Variants in MARCHF1 observed in about 807,000 individuals in gnomAD.
MARCHF1 encodes E3 ubiquitin-protein ligase MARCHF1.
In MARCHF1, 40 loss-of-function variants were observed where a neutral mutation model predicts 54.2. The observed-to-expected ratio is 0.74, with a 90% CI of 0.57 to 0.96. The LOEUF (loss-of-function observed/expected upper bound fraction) is 0.96, where lower values mean the gene tolerates loss of function less well. Ranked by LOEUF, MARCHF1 falls within the 40% of genes least tolerant of loss-of-function variation. The probability of loss-of-function intolerance (pLI) is 0.00; values close to 1 mark genes in which losing one functional copy is unlikely to be tolerated. For synonymous variants in MARCHF1, 236 were observed against 236.3 expected (o/e 1.00, Z 0.01); for missense variants, 586 against 656.5 (o/e 0.89, Z 1.17).
intron 4 of MARCHF1, among the ~76,000 whole-genome samples, chr4:163,768,480 G>T (rs2110857372): frequency 6.6e-6 from 1 of 152,242 alleles, no homozygotes; most frequent in Non-Finnish European, 1.5e-5. Context: ...TCCCATTTTG[G>T]CATGGGGAAA....
intron 1 of MARCHF1, among the ~76,000 whole-genome samples, chr4:164,125,949 G>A (rs988797221): frequency 1.3e-5 from 2 of 152,156 alleles, no homozygotes; most frequent in African/African-American, 4.8e-5. Context: ...TGTCTTCCAC[G>A]GGACTGGTCC....
chr4:163,590,808 A>G (rs1216854405), intron 7 of MARCHF1, among the ~76,000 whole-genome samples: 2 of 152,002 alleles, frequency 1.3e-5, no homozygotes, highest in African/African-American at 4.8e-5. Context: ...TGTGTTGTCC[A>G]TTCACCCTGG....
At chr4:164,028,688 T>C (rs1753818240) in intron 2 of MARCHF1, among the ~76,000 whole-genome samples, 1 of 152,112 alleles carries the variant, frequency 6.6e-6, no homozygotes, top group Non-Finnish European at 1.5e-5. Context: ...AATATATCCA[T>C]GTAACAAACT....
intron 2 of MARCHF1, among the ~76,000 whole-genome samples, chr4:164,071,949 C>CA (rs146480292): frequency 0.019 from 2,791 of 150,464 alleles, 69 homozygotes; most frequent in African/African-American, 0.061. Flanking sequence ...TTTAGTGCAG[C>CA]AAAAAAGTAG....
rs777808133 is a variant in MARCHF1, at chr4:163,527,033, C to G, written c.*1715G>C. ...ATTACAAAGTGCATCCATGTGATAC[C>G]CAGATTTGTGCAGTGTGATACTCAT... On this transcript the variant is annotated 3_prime_UTR_variant, in exon 10 of 10. Coordinates refer to ENST00000514618, the MANE Select transcript of MARCHF1 (RefSeq NM_001394959.1). 2.7e-4 allele frequency: 41 copies of G among 151,904 alleles called. 1 individual carries two copies. Among genetic ancestry groups the G allele is most frequent in the Non-Finnish European group, 5.3e-4 (36 of 67,880 alleles). The allele number at this position is 151,904 out of a possible 1,614,324, so 9.4% of individuals were successfully genotyped here. A position where few individuals can be genotyped will look rare whatever the true frequency, so the allele number is the denominator to read the frequency against.
chr4:164,311,710 G>T (rs76104624), intron 1 of MARCHF1, among the ~76,000 whole-genome samples: 21,983 of 152,094 alleles, frequency 0.14, 2,427 homozygotes, highest in East Asian at 0.42. Flanking sequence ...GAATTTGAAA[G>T]CCCATTAAAT....
intron 5 of MARCHF1, among the ~76,000 whole-genome samples, chr4:163,681,651 C>A (rs919324140): frequency 1.7e-4 from 26 of 152,276 alleles, no homozygotes; most frequent in Middle Eastern, 6.8e-3. Flanking sequence ...CTTCCTACTG[C>A]CATGTGAAGA....
At chr4:164,296,166 A>AT (rs1453139478) in intron 1 of MARCHF1, among the ~76,000 whole-genome samples, 3 of 152,160 alleles carry the variant, frequency 2.0e-5, no homozygotes, top group Admixed American at 1.3e-4. Context: ...ACACTAGTTT[A>AT]TTTTTTCTAT....
At chr4:163,647,299 G>A (rs549915143) in intron 5 of MARCHF1, among the ~76,000 whole-genome samples, 8 of 152,032 alleles carry the variant, frequency 5.3e-5, no homozygotes, top group African/African-American at 1.9e-4. Context: ...GAGATAGACA[G>A]CAATACAATA....
intron 1 of MARCHF1, among the ~76,000 whole-genome samples, chr4:164,136,352 C>T (rs2110838490): frequency 6.6e-6 from 1 of 151,998 alleles, no homozygotes; most frequent in African/African-American, 2.4e-5. Flanking sequence ...ATCATCCTTC[C>T]TGCAGAGGGG....
chr4:163,528,470 A>T lies in MARCHF1; in HGVS notation c.*278T>A, dbSNP rs986138767. ...TAATCTTTGATTACTGCCTAAAAGC[A>T]TTCATTGCCCCAGTAGTTCTTAATT... On this transcript the variant is annotated 3_prime_UTR_variant, in exon 10 of 10. Transcript: ENST00000514618. 52 of 385,400 alleles carry T rather than the reference A, an allele frequency of 1.3e-4. No individual in the cohort carries two copies. Among genetic ancestry groups the T allele is most frequent in the Non-Finnish European group, 2.4e-4 (51 of 212,664 alleles). 23.9% of individuals were successfully genotyped at this position (385,400 alleles called of 1,614,324 possible). A position where few individuals can be genotyped will look rare whatever the true frequency, so the allele number is the denominator to read the frequency against.
downstream of MARCHF1, chr4:163,524,620 A>G (rs927420192): frequency 1.3e-5 from 2 of 152,154 alleles, no homozygotes; most frequent in Admixed American, 6.6e-5. Context: ...AAATAATTAT[A>G]TGTTCAGACC....
intron 4 of MARCHF1, among the ~76,000 whole-genome samples, chr4:163,786,775 C>G (rs950911534): frequency 6.6e-6 from 1 of 151,772 alleles, no homozygotes; most frequent in Non-Finnish European, 1.5e-5. Context: ...CACTAAATAG[C>G]AAAAACAATC....
chr4:163,817,515 T>C (rs1171147723), intron 4 of MARCHF1, among the ~76,000 whole-genome samples: 2 of 151,576 alleles, frequency 1.3e-5, no homozygotes, highest in African/African-American at 4.8e-5. Flanking sequence ...ACATCTTTGG[T>C]GTACAATTGT....
At chr4:163,687,938 A>G (rs1744319971) in intron 5 of MARCHF1, among the ~76,000 whole-genome samples, 2 of 152,226 alleles carry the variant, frequency 1.3e-5, no homozygotes, top group Non-Finnish European at 2.9e-5. Flanking sequence ...AGTGCAATAG[A>G]GATTTGACAA....
chr4:163,794,080 G>A (rs1747846574), intron 4 of MARCHF1, among the ~76,000 whole-genome samples: 1 of 152,146 alleles, frequency 6.6e-6, no homozygotes, highest in Non-Finnish European at 1.5e-5. Flanking sequence ...AAATTGTTGA[G>A]AATAGGCTCT....
intron 1 of MARCHF1, among the ~76,000 whole-genome samples, chr4:164,358,067 TGAGG>T (rs1290620087): frequency 6.6e-6 from 1 of 152,102 alleles, no homozygotes; most frequent in Non-Finnish European, 1.5e-5. Flanking sequence ...GAATCACTCT[TGAGG>T]AAGGTGAGAA....
chr4:163,683,173 G>C (rs1438198405), intron 5 of MARCHF1, among the ~76,000 whole-genome samples: 1 of 152,138 alleles, frequency 6.6e-6, no homozygotes, highest in African/African-American at 2.4e-5. Flanking sequence ...ATTTGAGACT[G>C]GGCAATTTGC....
Position 163,788,232 on chromosome 4 carries a change from A to G in MARCHF1, c.111+65789T>C, listed in dbSNP as rs72685615. 8.9e-3 allele frequency among the ~76,000 whole-genome samples: 1,358 copies of G among 152,134 alleles called. 7 individuals are homozygous for G. Among genetic ancestry groups the G allele is most frequent in the Middle Eastern group, 0.017 (5 of 294 alleles). ...TTAATATCATATATGTTTTACCACA[A>G]TGAAAAACGACAACCCTGTTTCAGT... On this transcript the variant is annotated intron_variant, in intron 4 of 9. Coordinates refer to ENST00000514618, the MANE Select transcript of MARCHF1 (RefSeq NM_001394959.1).
Sources: allele counts gnomAD v4.1 joint callset (sites outside exome capture counted in the v4.1 genomes callset), GRCh38; gene constraint gnomAD v4.1.1; transcripts MANE v1.5; gene names NCBI Gene and HGNC (gene_info 2026-07-23, HGNC 2026-07-21).